The following PPM1L variants were observed in gnomAD, a reference collection of about 807,000 sequenced individuals.
PPM1L encodes protein phosphatase, Mg2+/Mn2+ dependent 1L.
In PPM1L, 13 loss-of-function variants were observed where a neutral mutation model predicts 31.4. The ratio of observed to expected loss-of-function variants is 0.41; its 90% CI spans 0.27 to 0.66. The LOEUF is 0.66. Among genes scored for constraint, PPM1L ranks in the 30% least tolerant of loss-of-function variants. The pLI is 0.29. For synonymous variants in PPM1L, 184 were observed against 175.4 expected, an observed-to-expected ratio of 1.05 and a Z score of -0.39; for missense variants, 326 against 453.7, an observed-to-expected ratio of 0.72 and a Z score of 2.56.
intron 1 of PPM1L, among the ~76,000 whole-genome samples, chr3:160,855,300 T>C (rs1377374166): frequency 2.0e-5 from 3 of 152,144 alleles, no homozygotes; most frequent in South Asian, 4.1e-4. Flanking sequence ...AATACTATTC[T>C]GGACATAGGC....
chr3:160,798,489 A>C (rs759096871), intron 1 of PPM1L, among the ~76,000 whole-genome samples: 34 of 152,166 alleles, frequency 2.2e-4, no homozygotes, highest in South Asian at 6.2e-4. Context: ...ATTTTGCTAG[A>C]TCTAGTCTGC....
chr3:160,872,105 A>AGT (rs1219668146), intron 1 of PPM1L, among the ~76,000 whole-genome samples: 1 of 152,146 alleles, frequency 6.6e-6, no homozygotes, highest in Non-Finnish European at 1.5e-5. Flanking sequence ...ATGGGCTTTT[A>AGT]GTGTGCACTG....
chr3:161,023,046 C>A (rs555516453), intron 2 of PPM1L, among the ~76,000 whole-genome samples: 1 of 152,084 alleles, frequency 6.6e-6, no homozygotes, highest in Middle Eastern at 3.5e-3. Flanking sequence ...GATATGTTGT[C>A]CCACTGCCTT....
chr3:160,989,444 A>G (rs914567706), intron 2 of PPM1L, among the ~76,000 whole-genome samples: 14 of 149,768 alleles, frequency 9.3e-5, no homozygotes, highest in Non-Finnish European at 1.9e-4. Context: ...CACTCTTGTT[A>G]CCCAGGCTGG....
intron 2 of PPM1L, among the ~76,000 whole-genome samples, chr3:161,020,283 G>A (rs1177654716): frequency 6.6e-6 from 1 of 151,762 alleles, no homozygotes; most frequent in Non-Finnish European, 1.5e-5. Flanking sequence ...TCTACACCAG[G>A]ACATCTAAAA....
intron 1 of PPM1L, among the ~76,000 whole-genome samples, chr3:160,817,942 G>A (rs1251562410): frequency 6.6e-6 from 1 of 152,004 alleles, no homozygotes; most frequent in Non-Finnish European, 1.5e-5. Flanking sequence ...AGTCAGCTAT[G>A]TGGAGCTGTT....
At chr3:160,846,652 G>A (rs1714086879) in intron 1 of PPM1L, among the ~76,000 whole-genome samples, 1 of 151,986 alleles carries the variant, frequency 6.6e-6, no homozygotes, top group Admixed American at 6.6e-5. Flanking sequence ...TAAATTGGTT[G>A]GTTAGTTATA....
intron 1 of PPM1L, among the ~76,000 whole-genome samples, chr3:160,868,401 TA>T (rs1712169243): frequency 6.6e-6 from 1 of 152,146 alleles, no homozygotes; most frequent in Non-Finnish European, 1.5e-5. Context: ...TCGGGGGAAC[TA>T]GAGAATTAGG....
chr3:160,915,592 G>A lies in PPM1L; in HGVS notation c.400-46144G>A, dbSNP rs186475950. Among the ~76,000 whole-genome samples, 338 of 152,244 alleles carry A rather than the reference G, an allele frequency of 2.2e-3. 1 individual carries two copies. Among genetic ancestry groups the A allele is most frequent in the African/African-American group, 7.7e-3 (318 of 41,546 alleles). On this transcript the variant is annotated intron_variant, in intron 1 of 3. Coordinates refer to ENST00000498165, the MANE Select transcript of PPM1L (RefSeq NM_139245.4). ...TTCATATGGAACCAAAAAGGAGCCC[G>A]CATTGCCAAGTCAATCCTAAGCCAA...
intron 1 of PPM1L, among the ~76,000 whole-genome samples, chr3:160,904,759 G>C (rs1370231449): frequency 6.6e-6 from 1 of 151,792 alleles, no homozygotes; most frequent in Non-Finnish European, 1.5e-5. Flanking sequence ...AGGGAGTGAA[G>C]GAAGGAGAGA....
intron 2 of PPM1L, among the ~76,000 whole-genome samples, chr3:161,047,688 A>C (rs1213729077): frequency 1.3e-5 from 2 of 152,242 alleles, no homozygotes; most frequent in Non-Finnish European, 2.9e-5. Flanking sequence ...TTCAAACTAT[A>C]CTACAAGGCT....
intron 1 of PPM1L, among the ~76,000 whole-genome samples, chr3:160,949,552 G>A (rs981885770): frequency 2.0e-5 from 3 of 152,036 alleles, no homozygotes; most frequent in African/African-American, 2.4e-5. Context: ...TTGTGGGCAC[G>A]GTCCCTTTTA....
chr3:160,944,864 TA>T (rs1212733369), intron 1 of PPM1L, among the ~76,000 whole-genome samples: 153 of 11,138 alleles, frequency 0.014, 11 homozygotes, highest in African/African-American at 0.028. Flanking sequence ...ATATTATATA[TA>T]ATGTTATATA....
chr3:160,819,332 T>C (rs1212209037), intron 1 of PPM1L, among the ~76,000 whole-genome samples: 3 of 152,122 alleles, frequency 2.0e-5, no homozygotes, highest in South Asian at 2.1e-4. Context: ...TAAAAATCAC[T>C]TGATGGAGGT....
intron 1 of PPM1L, among the ~76,000 whole-genome samples, chr3:160,771,167 G>T (rs544298695): frequency 1.4e-4 from 22 of 152,082 alleles, no homozygotes; most frequent in Non-Finnish European, 1.3e-4. Context: ...GTATAAATTT[G>T]TAAATGGTAC....
intron 1 of PPM1L, among the ~76,000 whole-genome samples, chr3:160,945,151 A>C (rs540887728): frequency 1.8e-5 from 2 of 110,246 alleles, no homozygotes; most frequent in East Asian, 4.9e-4. Flanking sequence ...CTATCTATCT[A>C]TCTCCACTGA....
chr3:161,048,186 T>C (rs1212139680), intron 2 of PPM1L, among the ~76,000 whole-genome samples: 4 of 152,046 alleles, frequency 2.6e-5, no homozygotes, highest in African/African-American at 7.2e-5. Flanking sequence ...GCAATCTACT[T>C]ATCTGACAAA....
intron 1 of PPM1L, among the ~76,000 whole-genome samples, chr3:160,924,787 A>C (rs1177672897): frequency 6.6e-6 from 1 of 152,218 alleles, no homozygotes; most frequent in East Asian, 1.9e-4. Flanking sequence ...ATTCTTCTCC[A>C]TATAGGACAG....
intron 1 of PPM1L, among the ~76,000 whole-genome samples, chr3:160,905,231 T>G (rs1713712971): frequency 6.6e-6 from 1 of 152,214 alleles, no homozygotes; most frequent in South Asian, 2.1e-4. Flanking sequence ...TATATAAGTG[T>G]CTCTCTGAAT....
Sources: allele counts gnomAD v4.1 joint callset (sites outside exome capture counted in the v4.1 genomes callset), GRCh38; gene constraint gnomAD v4.1.1; transcripts MANE v1.5; gene names NCBI Gene and HGNC (gene_info 2026-07-23, HGNC 2026-07-21).